Variants in MRPL37 observed in about 807,000 individuals in gnomAD.
The protein encoded by MRPL37 is large ribosomal subunit protein mL37.
A neutral mutation model predicts 44.1 loss-of-function variants in MRPL37; 34 were observed. The ratio of observed to expected loss-of-function variants is 0.77; its 90% CI spans 0.59 to 1.03. The LOEUF is 1.03. MRPL37 is among the 50% of genes least tolerant of loss of function. The probability of loss-of-function intolerance (pLI) is 0.00; values close to 1 mark genes in which losing one functional copy is unlikely to be tolerated. For missense variants in MRPL37, 532 were observed against 543.7 expected, an observed-to-expected ratio of 0.98 and a Z score of 0.21; for synonymous variants, 212 against 219.5, an observed-to-expected ratio of 0.97 and a Z score of 0.30.
At chr1:54,200,708 A>G in intron 1 of MRPL37, 119 bp downstream of exon 1, 2 of 1,140,228 alleles carry the variant, frequency 1.8e-6, no homozygotes, top group Admixed American at 5.6e-5. Flanking sequence ...TCGTCTGCGA[A>G]ATGGGGCCGT....
chr1:54,217,794 T>C (rs1644208280), intron 6 of MRPL37, among the ~76,000 whole-genome samples: 1 of 152,164 alleles, frequency 6.6e-6, no homozygotes, highest in African/African-American at 2.4e-5. Context: ...TACTGCTGTG[T>C]CTGTTTCCAG....
chr1:54,205,478 C>T, intron 3 of MRPL37, 68 bp downstream of exon 3: 1 of 1,295,436 alleles, frequency 7.7e-7, no homozygotes, highest in Non-Finnish European at 1.1e-6. Flanking sequence ...AACCCCACCA[C>T]CAGCTCCCAT....
downstream of MRPL37, among the ~76,000 whole-genome samples, chr1:54,222,371 C>G (rs937097177): frequency 2.0e-5 from 3 of 152,144 alleles, no homozygotes; most frequent in African/African-American, 7.2e-5. Flanking sequence ...GGGCAGACAT[C>G]CACAGAGTAC....
chr1:54,205,843 T>C (rs1644117932), intron 3 of MRPL37, among the ~76,000 whole-genome samples: 2 of 152,176 alleles, frequency 1.3e-5, no homozygotes. Context: ...TGCAAGTCTT[T>C]ATGTCCCTGC....
chr1:54,200,421 T>C lies in MRPL37; in HGVS notation c.178T>C (p.Phe60Leu). The C allele has an allele frequency of 6.2e-7, 1 of 1,614,212 alleles. No homozygotes were observed. The highest frequency in any genetic ancestry group is 8.5e-7 in the Non-Finnish European group (1 of 1,180,044). ...YEIPGLEPIT[F>L]AGKMHFVPWL... ...GATCCCTGGACTGGAGCCCATCACCTTTGCGGGGAAGATGCACTTCGTGCC... is the reference window on the plus strand; with the variant it reads ...GATCCCTGGACTGGAGCCCATCACCCTTGCGGGGAAGATGCACTTCGTGCC... Residue 60 changes from phenylalanine (F) to leucine (L), a missense_variant, in exon 1 of 7, where the codon TTT becomes CTT. Coordinates refer to ENST00000360840, the MANE Select transcript of MRPL37 (RefSeq NM_016491.4).
chr1:54,205,086 C>G lies in MRPL37; in HGVS notation c.415C>G (p.Leu139Val), dbSNP rs186982095. The G allele has an allele frequency of 6.2e-7, 1 of 1,614,136 alleles. No individual in the cohort carries two copies. The highest frequency in any genetic ancestry group is 2.2e-5 in the East Asian group (1 of 44,886). The change falls in exon 2 of 7, where the codon CTT becomes GTT. Residue 139 changes from leucine (L) to valine (V), a missense_variant. Leu to Val is a conservative substitution (Grantham distance 32). Coordinates refer to ENST00000360840, the MANE Select transcript of MRPL37 (RefSeq NM_016491.4). The stretch of plus-strand genomic sequence containing the variant: ...AGGCCTTCCCGAGAAAGTGCTTAGC[C>G]TTGTTGATGATCCAAGGAACCACAT... ...IEGLPEKVLSLVDDPRNHIEN... is the reference protein window; with the variant it reads ...IEGLPEKVLSVVDDPRNHIEN...
rs1184598204 is a variant in MRPL37, at chr1:54,216,140, G to A, written c.991-1G>A. ...TTTTCCTTGTCCCCTTTTCCTCTCA[G>A]AATGATGCCAAGGTCTTGGAGCAGC... is the stretch of plus-strand genomic sequence containing the variant. On this transcript the variant is annotated splice_acceptor_variant, in intron 5 of 6. Transcript: ENST00000360840. LOFTEE classifies it high-confidence loss of function. 6.2e-7 allele frequency: 1 copy of A among 1,614,218 alleles called. No homozygotes were observed. The highest frequency in any genetic ancestry group is 1.7e-5 in the Admixed American group (1 of 60,026).
At position 54,205,031 on chromosome 1, in the gene MRPL37, C is replaced by G. The variant is rs780779614; in HGVS notation, c.360C>G (p.Ala120=). The change falls in exon 2 of 7, where the codon GCC becomes GCG. Residue 120 remains alanine (A), a synonymous_variant. Coordinates refer to ENST00000360840, the MANE Select transcript of MRPL37 (RefSeq NM_016491.4). Reference sequence around the variant, plus strand: ...ATTACCTCAAAGGTGTAAAGCAGGCCCTCTGGCTCACCAAGACCAAGTTAA... The same window carrying G: ...ATTACCTCAAAGGTGTAAAGCAGGCGCTCTGGCTCACCAAGACCAAGTTAA... ...RCRLLEGVKQ[A]LWLTKTKLIE... 6.2e-7 allele frequency: 1 copy of G among 1,613,892 alleles called. No individual in the cohort carries two copies. The highest frequency in any genetic ancestry group is 8.5e-7 in the Non-Finnish European group (1 of 1,179,930).
At chr1:54,215,422 C>T (rs928424527) in intron 5 of MRPL37, among the ~76,000 whole-genome samples, 15 of 152,212 alleles carry the variant, frequency 9.9e-5, no homozygotes, top group African/African-American at 3.6e-4. Context: ...GGTGTTACTA[C>T]TATTACCAAG....
chr1:54,206,258 G>A (rs1392182963), intron 3 of MRPL37, among the ~76,000 whole-genome samples: 3 of 148,964 alleles, frequency 2.0e-5, no homozygotes, highest in Middle Eastern at 3.4e-3. Flanking sequence ...GACTACAGGC[G>A]CCCGCCACCA....
At chr1:54,219,773 A>G (rs1049107448), downstream of MRPL37, among the ~76,000 whole-genome samples, 2 of 152,252 alleles carry the variant, frequency 1.3e-5, no homozygotes, top group African/African-American at 2.4e-5. Flanking sequence ...TGTATGTATC[A>G]TAACAACACA....
chr1:54,221,890 G>C (rs1194951513), downstream of MRPL37, among the ~76,000 whole-genome samples: 5 of 152,206 alleles, frequency 3.3e-5, no homozygotes, highest in Non-Finnish European at 7.3e-5. Context: ...GCGAGTTACA[G>C]AATGAGGGAG....
chr1:54,223,491 C>T (rs1301623872), downstream of MRPL37, among the ~76,000 whole-genome samples: 1 of 152,246 alleles, frequency 6.6e-6, no homozygotes, highest in Non-Finnish European at 1.5e-5. Flanking sequence ...CTTACCCCCG[C>T]TAGAGCCCTG....
downstream of MRPL37, among the ~76,000 whole-genome samples, chr1:54,220,027 G>A (rs1007079971): frequency 6.6e-6 from 1 of 152,148 alleles, no homozygotes; most frequent in African/African-American, 2.4e-5. Context: ...GAGCCATTGG[G>A]TAAGTTCCTA....
chr1:54,204,260 G>A (rs1344391244), intron 1 of MRPL37, among the ~76,000 whole-genome samples: 1 of 152,096 alleles, frequency 6.6e-6, no homozygotes, highest in Admixed American at 6.6e-5. Flanking sequence ...GTTTATGCTT[G>A]TAATCCAGCT....
intron 3 of MRPL37, among the ~76,000 whole-genome samples, chr1:54,206,795 A>T (rs114178137): frequency 0.018 from 2,603 of 146,682 alleles, 58 homozygotes; most frequent in East Asian, 0.072. Flanking sequence ...GCTGGAGTGC[A>T]GTGGCGTCAG....
intron 3 of MRPL37, among the ~76,000 whole-genome samples, chr1:54,205,878 C>A (rs1402241427): frequency 1.3e-5 from 2 of 152,136 alleles, no homozygotes; most frequent in African/African-American, 4.8e-5. Flanking sequence ...TTCACTGTCT[C>A]CTAGTAGTGT....
chr1:54,208,715 T>A (rs1644142791), intron 3 of MRPL37, among the ~76,000 whole-genome samples: 1 of 152,152 alleles, frequency 6.6e-6, no homozygotes, highest in Non-Finnish European at 1.5e-5. Flanking sequence ...TTATTCCTCC[T>A]TAACTAGAGT....
chr1:54,225,027 C>T (rs1017937396), downstream of MRPL37: 66 of 1,172,720 alleles, frequency 5.6e-5, no homozygotes, highest in East Asian at 9.5e-5. Context: ...CAGTCCCACC[C>T]GAGGGGAGAA....
Sources: allele counts gnomAD v4.1 joint callset (sites outside exome capture counted in the v4.1 genomes callset), GRCh38; gene constraint gnomAD v4.1.1; transcripts MANE v1.5; gene names NCBI Gene and HGNC (gene_info 2026-07-23, HGNC 2026-07-21).